Variants in VPS13B observed in about 807,000 individuals in gnomAD.
The protein encoded by VPS13B is intermembrane lipid transfer protein VPS13B.
In VPS13B, 285 loss-of-function variants were observed where a neutral mutation model predicts 426.4. That is an observed-to-expected ratio of 0.67 (90% CI 0.61 to 0.74). The LOEUF is 0.74. Among genes scored for constraint, VPS13B ranks in the 30% least tolerant of loss-of-function variants. The pLI, the probability that VPS13B is intolerant of heterozygous loss-of-function variation, is 0.00. For synonymous variants in VPS13B, 1,676 were observed against 1,676.4 expected (o/e 1.00, Z 0.01); for missense variants, 4,537 against 4,782.6 (o/e 0.95, Z 1.51).
At chr8:99,126,506 G>C (rs577942073) in intron 8 of VPS13B, among the ~76,000 whole-genome samples, 18 of 152,304 alleles carry the variant, frequency 1.2e-4, no homozygotes, top group African/African-American at 4.3e-4. Context: ...CAATGCAGAA[G>C]AGGTGGTCAA....
intron 5 of VPS13B, among the ~76,000 whole-genome samples, chr8:99,107,924 TG>T (rs1384421050): frequency 2.9e-4 from 44 of 152,196 alleles, no homozygotes; most frequent in African/African-American, 9.4e-4. Flanking sequence ...ATGCATTTGG[TG>T]TACAGATTAT....
intron 17 of VPS13B, among the ~76,000 whole-genome samples, chr8:99,240,282 G>A (rs535326368): frequency 1.9e-4 from 29 of 152,194 alleles, no homozygotes; most frequent in Non-Finnish European, 3.4e-4. Context: ...AATTTGGTTC[G>A]CAGCTTTTAG....
intron 30 of VPS13B, among the ~76,000 whole-genome samples, chr8:99,521,842 A>G (rs1346220402): frequency 6.6e-6 from 1 of 152,080 alleles, no homozygotes; most frequent in East Asian, 1.9e-4. Context: ...GGTGATGGCT[A>G]TTTTTACTTT....
intron 14 of VPS13B, among the ~76,000 whole-genome samples, chr8:99,155,560 A>G (rs190964801): frequency 6.6e-6 from 1 of 152,320 alleles, no homozygotes; most frequent in Non-Finnish European, 1.5e-5. Flanking sequence ...AATCCCAAAG[A>G]AAGTCACTTA....
intron 8 of VPS13B, among the ~76,000 whole-genome samples, chr8:99,128,505 C>T (rs903790931): frequency 2.7e-5 from 4 of 150,298 alleles, no homozygotes; most frequent in African/African-American, 9.8e-5. Flanking sequence ...GTATGTGCAT[C>T]CATCCATTAT....
At position 99,326,630 on chromosome 8, in the gene VPS13B, C is replaced by T. The variant is rs1203807664; in HGVS notation, c.2824+51376C>T. ...CTCAAGCTGGTCTCAAACTGGAGAG[C>T]TCAAGCGATCTGCCCACCTCAGCCT... is the stretch of plus-strand genomic sequence containing the variant. On this transcript the variant is annotated intron_variant, in intron 19 of 61. Transcript: ENST00000357162. Among the ~76,000 whole-genome samples, 4 of 151,630 alleles carry T rather than the reference C, an allele frequency of 2.6e-5. No homozygotes were observed. In the East Asian group the frequency reaches 7.8e-4, roughly 29 times the overall value.
chr8:99,378,783 G>A (rs1475505797), intron 19 of VPS13B, among the ~76,000 whole-genome samples: 1 of 152,116 alleles, frequency 6.6e-6, no homozygotes, highest in African/African-American at 2.4e-5. Flanking sequence ...ATTAACAGTG[G>A]TTTATTTTCT....
rs747109984 is a variant in VPS13B at position 99,481,768 on chromosome 8, G to A, written c.3836G>A (p.Cys1279Tyr). The change falls in exon 25 of 62, where the codon TGC becomes TAC. Residue 1279 changes from cysteine (C) to tyrosine (Y), a missense_variant. By Grantham distance (194) the Cys-to-Tyr change is radical. This residue lies in a region of VPS13B where 4,311 missense variants were observed against 4,474.3 expected (regional missense o/e 0.96). Transcript: ENST00000357162. ...ACAGCTCCTCCAGATACCAGCACAT[G>A]CAGCCCATCTGCTGACATTGGGACT... ...IGTAPPDTST[C>Y]SPSADIGTTT... 16 of 1,613,896 alleles carry A rather than the reference G, an allele frequency of 9.9e-6. No individual in the cohort carries two copies. Among genetic ancestry groups the A allele is most frequent in the Non-Finnish European group, 1.2e-5 (14 of 1,179,836 alleles).
At position 99,489,061 on chromosome 8, in the gene VPS13B, T is replaced by TA. The variant is rs1458854208; in HGVS notation, c.3870+7261dup. Reference sequence around the variant, plus strand: ...AATCCATCTTGAGTTACTTTCTGTATAAGGTTTAAGGAAGGGATCCAGTTT... The same window carrying TA: ...AATCCATCTTGAGTTACTTTCTGTATAAAGGTTTAAGGAAGGGATCCAGTTT... On this transcript the variant is annotated intron_variant, in intron 25 of 61. Coordinates refer to ENST00000357162, the MANE Select transcript of VPS13B (RefSeq NM_152564.5). Among the ~76,000 whole-genome samples, 3 of 152,186 alleles carry TA rather than the reference T, an allele frequency of 2.0e-5. No homozygotes were observed. The East Asian group carries it at 5.8e-4, about 29-fold the overall frequency.
chr8:99,279,471 G>C (rs905786890), intron 19 of VPS13B, among the ~76,000 whole-genome samples: 3 of 151,554 alleles, frequency 2.0e-5, no homozygotes, highest in South Asian at 2.1e-4. Context: ...TGCTGGTCAG[G>C]CTGCTCTTGA....
At chr8:99,578,673 G>A (rs1358320375) in intron 33 of VPS13B, among the ~76,000 whole-genome samples, 1 of 152,096 alleles carries the variant, frequency 6.6e-6, no homozygotes, top group African/African-American at 2.4e-5. Flanking sequence ...ATCAAAATAA[G>A]CAAATTAAAA....
At chr8:99,339,342 G>T (rs1229071182) in intron 19 of VPS13B, among the ~76,000 whole-genome samples, 2 of 151,948 alleles carry the variant, frequency 1.3e-5, no homozygotes, top group South Asian at 2.1e-4. Flanking sequence ...TTCTAGGGAG[G>T]CCTCAGGAAG....
chr8:99,235,955 T>C (rs1004872453), intron 17 of VPS13B, among the ~76,000 whole-genome samples: 1 of 152,190 alleles, frequency 6.6e-6, no homozygotes, highest in Non-Finnish European at 1.5e-5. Context: ...TGGAAATGGG[T>C]GTGGAGATCT....
At chr8:99,142,817 AG>A in intron 12 of VPS13B, among the ~76,000 whole-genome samples, 156 bp from the exon 13 acceptor site, 1 of 152,382 alleles carries the variant, frequency 6.6e-6, no homozygotes, top group East Asian at 1.9e-4. Flanking sequence ...ATATGCACAG[AG>A]AAATACAAAT....
intron 3 of VPS13B, among the ~76,000 whole-genome samples, chr8:99,065,865 G>A (rs1235967946): frequency 6.6e-6 from 1 of 151,584 alleles, no homozygotes; most frequent in Non-Finnish European, 1.5e-5. Context: ...ACTAATAACA[G>A]ACAGAGAGCC....
intron 39 of VPS13B, among the ~76,000 whole-genome samples, chr8:99,745,968 G>T (rs1054703781): frequency 2.6e-5 from 4 of 151,958 alleles, no homozygotes; most frequent in African/African-American, 7.2e-5. Flanking sequence ...GTTTGAATAA[G>T]GATCCCGCTG....
chr8:99,556,329 T>C (rs1824561429), intron 30 of VPS13B, 121 bp from the exon 31 acceptor site: 1 of 1,026,794 alleles, frequency 9.7e-7, no homozygotes, highest in Non-Finnish European at 1.5e-6. Context: ...CCCAGTTTAT[T>C]CATCAGTAAT....
At chr8:99,774,874 G>A (rs1049402508) in intron 40 of VPS13B, among the ~76,000 whole-genome samples, 1 of 152,108 alleles carries the variant, frequency 6.6e-6, no homozygotes, top group African/African-American at 2.4e-5. Flanking sequence ...CTGCATTTTT[G>A]TGCATAGTCA....
chr8:99,458,741 C>G (rs964114156), intron 23 of VPS13B, among the ~76,000 whole-genome samples: 1 of 152,100 alleles, frequency 6.6e-6, no homozygotes, highest in Non-Finnish European at 1.5e-5. Context: ...CTGTTCATAT[C>G]CTTCGCCCAC....
Sources: allele counts gnomAD v4.1 joint callset (sites outside exome capture counted in the v4.1 genomes callset), GRCh38; gene constraint gnomAD v4.1.1; regional missense constraint gnomAD v4.1.1; transcripts MANE v1.5; gene names NCBI Gene and HGNC (gene_info 2026-07-23, HGNC 2026-07-21).